Variants in PLCB2 observed in about 807,000 individuals in gnomAD.
PLCB2 encodes the protein phospholipase C beta 2.
A neutral mutation model predicts 141.7 loss-of-function variants in PLCB2; 115 were observed. The ratio of observed to expected loss-of-function variants is 0.81; its 90% CI spans 0.70 to 0.95. The LOEUF (loss-of-function observed/expected upper bound fraction) is 0.95, where lower values mean the gene tolerates loss of function less well. PLCB2 is among the 40% of genes least tolerant of loss of function. The pLI is 0.00. For synonymous variants in PLCB2, 603 were observed against 595.6 expected (o/e 1.01, Z -0.18); for missense variants, 1,403 against 1,541.1 (o/e 0.91, Z 1.50).
At position 40,298,254 on chromosome 15, in the gene PLCB2, C is replaced by T; in HGVS notation, c.1124G>A (p.Gly375Asp). 1 of 1,583,160 alleles carries T rather than the reference C, an allele frequency of 6.3e-7. No homozygotes were observed. Among genetic ancestry groups the T allele is most frequent in the Non-Finnish European group, 8.6e-7 (1 of 1,163,402 alleles). Residue 375 changes from glycine to aspartate, a missense_variant, in exon 11 of 32, where the codon GGC (glycine) becomes GAC (aspartate). Transcript: ENST00000260402. ...GAAGATGTCTGTGGTCATGGTGAAG[C>T]CATGGGTGATAATGGGCTCCTCGTC... is the stretch of plus-strand genomic sequence containing the variant. ...PPDEEPIITH[G>D]FTMTTDIFFK...
At chr15:40,299,790 G>A (rs1312537288) in intron 7 of PLCB2, among the ~76,000 whole-genome samples, 2 of 152,200 alleles carry the variant, frequency 1.3e-5, no homozygotes, top group African/African-American at 4.8e-5. Context: ...GTAACCCACA[G>A]AATGGGATAA....
Position 40,291,252 on chromosome 15 carries a change from C to T in PLCB2, c.2870+13G>A. ...CCGCGCTGCAGAGGGCAGGGCACCGCCACGAGCCTTACCTCTTCTTGCGAG... is the reference window on the plus strand; with the variant it reads ...CCGCGCTGCAGAGGGCAGGGCACCGTCACGAGCCTTACCTCTTCTTGCGAG... On this transcript the variant is annotated intron_variant, in intron 26 of 31. Coordinates refer to ENST00000260402, the MANE Select transcript of PLCB2 (RefSeq NM_004573.3). The T allele has an allele frequency of 6.4e-7, 1 of 1,573,862 alleles. No homozygotes were observed. Among genetic ancestry groups the T allele is most frequent in the Non-Finnish European group, 8.6e-7 (1 of 1,168,242 alleles).
Position 40,301,261 on chromosome 15 carries a change from A to G in PLCB2, c.582+696T>C, listed in dbSNP as rs574577187. ...AATTCTTACCAGGAGAAAATACTCC[A>G]TGGGGTATAGGCTGGGACCCACACA... is the stretch of plus-strand genomic sequence containing the variant. On this transcript the variant is annotated intron_variant, in intron 7 of 31. Transcript: ENST00000260402. The G allele has an allele frequency of 3.4e-5, 13 of 377,656 alleles. No homozygotes were observed. The South Asian group carries it at 5.0e-4, about 15-fold the overall frequency. 23.4% of individuals were successfully genotyped at this position (377,656 alleles called of 1,614,324 possible).
intron 7 of PLCB2, among the ~76,000 whole-genome samples, chr15:40,299,896 AG>A (rs2040422695): frequency 6.6e-6 from 1 of 152,234 alleles, no homozygotes; most frequent in South Asian, 2.1e-4. Context: ...ATTTCTCCAA[AG>A]AAGATATATA....
rs914031894 is a variant in PLCB2 at position 40,298,847 on chromosome 15, C to T, written c.801G>A (p.Val267=). 15 of 1,613,652 alleles carry T rather than the reference C, an allele frequency of 9.3e-6. No homozygotes were observed. In the Admixed American group the frequency reaches 1.7e-4, roughly 18 times the overall value. ...GCTCATACTTGTCGATGAGGCCCTGCACCTGGTCAGGCCGTGCTGGCGGGA... is the reference window on the plus strand; with the variant it reads ...GCTCATACTTGTCGATGAGGCCCTGTACCTGGTCAGGCCGTGCTGGCGGGA... ...LLFPPARPDQ[V]QGLIDKYEPS... The change falls in exon 9 of 32, where the codon GTG becomes GTA. Residue 267 remains valine (V), a synonymous_variant. Transcript: ENST00000260402.
rs575392067 is a variant in PLCB2 at position 40,302,311 on chromosome 15, C to T, written c.411G>A (p.Pro137=). The T allele has an allele frequency of 2.8e-5, 46 of 1,614,038 alleles. 1 individual carries two copies. Among genetic ancestry groups the T allele is most frequent in the Admixed American group, 1.3e-4 (8 of 60,010 alleles). Residue 137 remains proline, a synonymous_variant, in exon 5 of 32, where the codon CCG becomes CCA. Coordinates refer to ENST00000260402, the MANE Select transcript of PLCB2 (RefSeq NM_004573.3). ...AEDVLALVKH[P]LTANASRSTF... is the part of the protein sequence containing the mutation. ...TGCTGCGGGAGGCGTTGGCCGTCAG[C>T]GGATGTTTGACTAGGGCCAGTACGT... is the stretch of plus-strand genomic sequence containing the variant.
chr15:40,284,727 C>A (rs1044299491), downstream of PLCB2, among the ~76,000 whole-genome samples: 7 of 147,690 alleles, frequency 4.7e-5, no homozygotes, highest in African/African-American at 1.7e-4. Flanking sequence ...GTAGTCCCTG[C>A]TACTTGGGAG....
At position 40,301,465 on chromosome 15, in the gene PLCB2, G is replaced by A. The variant is rs1232489839; in HGVS notation, c.582+492C>T. The A allele has an allele frequency of 6.2e-6, 4 of 647,272 alleles. No individual in the cohort carries two copies. The African/African-American group carries it at 7.3e-5, about 12-fold the overall frequency. The allele number at this position is 647,272 out of a possible 1,614,324, so 40.1% of individuals were successfully genotyped here. ...TTAATTATTTAACTAAAAAGACAGG[G>A]AAAAATGCTTTTCTGTACAGAGCAG... On this transcript the variant is annotated intron_variant, in intron 7 of 31. Transcript: ENST00000260402.
At chr15:40,296,689 C>G in intron 14 of PLCB2, 55 bp from the exon 15 acceptor site, 1 of 1,610,476 alleles carries the variant, frequency 6.2e-7, no homozygotes, top group South Asian at 1.1e-5. Flanking sequence ...CCAGGTCCAG[C>G]CCCTCTCCTG....
rs1419472077 is a variant in PLCB2, at chr15:40,290,650, T to G, written c.3136A>C (p.Lys1046Gln). 6.2e-7 allele frequency: 1 copy of G among 1,613,946 alleles called. No homozygotes were observed. The highest frequency in any genetic ancestry group is 1.7e-5 in the Admixed American group (1 of 60,006). The change falls in exon 29 of 32, where the codon AAG (lysine) becomes CAG (glutamine). Residue 1046 changes from lysine (K) to glutamine (Q), a missense_variant. Lys to Gln is a moderately conservative substitution (Grantham distance 53, BLOSUM62 1). Around this residue, in one of 4 missense-constraint regions of PLCB2, gnomAD observed 290 missense variants for 245.9 expected, o/e 1.18. Coordinates refer to ENST00000260402, the MANE Select transcript of PLCB2 (RefSeq NM_004573.3). Reference protein sequence around the residue: ...SENDTKEMKKKLETKRLERIQ... With the variant: ...SENDTKEMKKQLETKRLERIQ... ...CGCTCCAGTCTCTTTGTCTCCAGCT[T>G]TTTCTTCATCTCTTTGGTGTCGCTG...
chr15:40,306,918 C>A (rs1033417268), intron 1 of PLCB2, among the ~76,000 whole-genome samples: 2 of 152,240 alleles, frequency 1.3e-5, no homozygotes, highest in Admixed American at 6.5e-5. Flanking sequence ...TGGGAGCAGC[C>A]CCGTGTAGGA....
Position 40,288,544 on chromosome 15 carries a change from G to A in PLCB2, c.*171C>T, listed in dbSNP as rs996307879. 10 of 1,342,510 alleles carry A rather than the reference G, an allele frequency of 7.4e-6. 1 individual carries two copies. In the Admixed American group the frequency reaches 1.8e-4, roughly 25 times the overall value. 83.2% of individuals were successfully genotyped at this position (1,342,510 alleles called of 1,614,324 possible). On this transcript the variant is annotated 3_prime_UTR_variant, in exon 32 of 32. Transcript: ENST00000260402. ...GAGGCCCTGCCGTGAGGGTGCCTGG[G>A]TCCTGTCTCAGACTCTGGCCTGGCC...
In PLCB2 at chr15:40,307,839, G is replaced by A. The variant is rs2040874100; in HGVS notation, c.-167C>T. 3 of 489,048 alleles carry A rather than the reference G, an allele frequency of 6.1e-6. No individual in the cohort carries two copies. The highest frequency in any genetic ancestry group is 1.1e-5 in the Non-Finnish European group (3 of 277,280). 30.3% of individuals were successfully genotyped at this position (489,048 alleles called of 1,614,324 possible). ...TAGCCCCTGGGGTGGCCCTGGCTGA[G>A]TGCAGGACTGAGCTGTAGCCAGAGG... On this transcript the variant is annotated 5_prime_UTR_variant, in exon 1 of 32. Coordinates refer to ENST00000260402, the MANE Select transcript of PLCB2 (RefSeq NM_004573.3).
rs2040279178 is a variant in PLCB2 at position 40,297,423 on chromosome 15, A to G, written c.1323+98T>C. The G allele has an allele frequency of 3.3e-6, 3 of 901,994 alleles. No homozygotes were observed. Among genetic ancestry groups the G allele is most frequent in the Middle Eastern group, 2.2e-4 (1 of 4,644 alleles). 55.9% of individuals were successfully genotyped at this position (901,994 alleles called of 1,614,324 possible). ...ACCCGCATCTAACCAAGTGAACCCT[A>G]GCATCCTCTGGGAGTGTCTCCCTCC... On this transcript the variant is annotated intron_variant, in intron 13 of 31. Coordinates refer to ENST00000260402, the MANE Select transcript of PLCB2 (RefSeq NM_004573.3). The surrounding 1 kb of genome is among the most constrained non-coding windows in gnomAD (Gnocchi z 4.2).
downstream of PLCB2, chr15:40,285,805 C>T (rs959031322): frequency 7.1e-6 from 7 of 985,508 alleles, no homozygotes; most frequent in Middle Eastern, 5.2e-4. Context: ...CACACCCCCC[C>T]AGGTGGAGGA....
At position 40,292,373 on chromosome 15, in the gene PLCB2, CA is replaced by C; in HGVS notation, c.2396del (p.Leu799ArgfsTer3). The part of the protein sequence containing the change: ...PLTMPALFIF[L>X]EMKDYIPGAW... Reference sequence around the variant, plus strand: ...CACCAGGTATGTAGTCCTTCATCTCCAGGAAGATGAAGAGCGCAGGCATGGT... The same window carrying C: ...CACCAGGTATGTAGTCCTTCATCTCCGGAAGATGAAGAGCGCAGGCATGGT... On this transcript the variant is annotated frameshift_variant, in exon 22 of 32. Transcript: ENST00000260402. LOFTEE classifies it high-confidence loss of function. 6.2e-7 allele frequency: 1 copy of C among 1,613,782 alleles called. No individual in the cohort carries two copies. Among genetic ancestry groups the C allele is most frequent in the Non-Finnish European group, 8.5e-7 (1 of 1,179,784 alleles).
At chr15:40,299,883 G>A (rs1281552630) in intron 7 of PLCB2, among the ~76,000 whole-genome samples, 1 of 152,192 alleles carries the variant, frequency 6.6e-6, no homozygotes, top group Non-Finnish European at 1.5e-5. Flanking sequence ...GATTTGGACA[G>A]GTATTTCTCC....
At position 40,302,279 on chromosome 15, in the gene PLCB2, A is replaced by C; in HGVS notation, c.443T>G (p.Leu148Arg). The change falls in exon 5 of 32, where the codon CTG becomes CGG. Residue 148 changes from leucine (L) to arginine (R), a missense_variant. Around this residue, in one of 4 missense-constraint regions of PLCB2, gnomAD observed 975 missense variants for 1,141.1 expected, o/e 0.85. Transcript: ENST00000260402. ...GGCAGAGGGCACTTACATCTTGTCCAGGAAGGTGCTGCGGGAGGCGTTGGC... is the reference window on the plus strand; with the variant it reads ...GGCAGAGGGCACTTACATCTTGTCCCGGAAGGTGCTGCGGGAGGCGTTGGC... The part of the protein sequence containing the change: ...LTANASRSTF[L>R]DKILVKLKMQ... 1 of 1,614,138 alleles carries C rather than the reference A, an allele frequency of 6.2e-7. No homozygotes were observed. Among genetic ancestry groups the C allele is most frequent in the East Asian group, 2.2e-5 (1 of 44,872 alleles).
chr15:40,285,747 G>T (rs2039601198), downstream of PLCB2: 2 of 985,276 alleles, frequency 2.0e-6, no homozygotes, highest in African/African-American at 1.7e-5. Flanking sequence ...AGAGGAGGGT[G>T]TACCCCTGGA....
Sources: allele counts gnomAD v4.1 joint callset (sites outside exome capture counted in the v4.1 genomes callset), GRCh38; gene constraint gnomAD v4.1.1; regional missense constraint gnomAD v4.1.1; non-coding constraint Gnocchi (gnomAD v3.1); transcripts MANE v1.5; gene names NCBI Gene and HGNC (gene_info 2026-07-23, HGNC 2026-07-21).